Variants in XNDC1N observed in about 807,000 individuals in gnomAD.
XNDC1N encodes the protein protein XNDC1N.
the XNDC1N span, chr11:71,893,592 G>A: frequency 4.8e-6 from 5 of 1,042,756 alleles, no homozygotes; most frequent in South Asian, 6.3e-5. Flanking sequence ...TGGTGCTGAG[G>A]AACCTGCTCA....
chr11:71,883,955 CCAT>C, the XNDC1N span, among the ~76,000 whole-genome samples: 1 of 152,174 alleles, frequency 6.6e-6, no homozygotes, highest in African/African-American at 2.4e-5. Context: ...TTTTCCACCA[CCAT>C]ATCTCTTCAC....
the XNDC1N span, chr11:71,928,351 C>G: frequency 1.6e-6 from 1 of 642,106 alleles, no homozygotes; most frequent in Non-Finnish European, 2.8e-6. Flanking sequence ...TCAACAAATC[C>G]CAACGCCCCT....
At chr11:71,923,217 T>C in the XNDC1N span, 4 of 695,940 alleles carry the variant, frequency 5.7e-6, no homozygotes, top group Non-Finnish European at 1.0e-5. Flanking sequence ...TTCTATTAGA[T>C]TGGGAGTTTC....
chr11:71,877,172 C>T, the XNDC1N span, among the ~76,000 whole-genome samples: 2 of 152,206 alleles, frequency 1.3e-5, no homozygotes, highest in Admixed American at 6.5e-5. Context: ...ACCACGTGTT[C>T]CATTCACTAA....
chr11:71,866,073 C>A, the XNDC1N span, among the ~76,000 whole-genome samples: 1 of 151,826 alleles, frequency 6.6e-6, no homozygotes, highest in Non-Finnish European at 1.5e-5. Context: ...AATAATAGAT[C>A]AGAAAAGTCT....
the XNDC1N span, among the ~76,000 whole-genome samples, chr11:71,892,971 A>AAGG: frequency 0.2 from 30,039 of 151,994 alleles, 5,377 homozygotes; most frequent in African/African-American, 0.47. Context: ...TGAGAATTAT[A>AAGG]TTTGATTTCA....
chr11:71,921,009 TAG>T, the XNDC1N span, among the ~76,000 whole-genome samples: 1 of 152,088 alleles, frequency 6.6e-6, no homozygotes, highest in Non-Finnish European at 1.5e-5. Context: ...TCTTTTTTTT[TAG>T]AGACAGGGTC....
the XNDC1N span, among the ~76,000 whole-genome samples, chr11:71,919,508 C>T: frequency 6.6e-6 from 1 of 151,994 alleles, no homozygotes; most frequent in Non-Finnish European, 1.5e-5. Context: ...CTGCCTCAGC[C>T]TCCTGAGTAG....
the XNDC1N span, among the ~76,000 whole-genome samples, chr11:71,907,400 C>T: frequency 3.3e-5 from 5 of 150,906 alleles, no homozygotes; most frequent in East Asian, 2.0e-4. Context: ...GCCCCCCTGG[C>T]TCTTAAGACC....
chr11:71,916,683 G>A, the XNDC1N span: 646 of 171,942 alleles, frequency 3.8e-3, 9 homozygotes, highest in African/African-American at 0.014. Context: ...ATCACATTCC[G>A]ATATCACCAA....
At chr11:71,889,393 G>A in the XNDC1N span, among the ~76,000 whole-genome samples, 22 of 152,342 alleles carry the variant, frequency 1.4e-4, no homozygotes, top group Non-Finnish European at 2.4e-4. Flanking sequence ...TCAGAGGCTC[G>A]AAAAGCAGCA....
chr11:71,919,045 G>A, the XNDC1N span: 1 of 701,844 alleles, frequency 1.4e-6, no homozygotes, highest in Non-Finnish European at 2.6e-6. Flanking sequence ...GAGAGGAGGA[G>A]AAAATCAGGA....
the XNDC1N span, among the ~76,000 whole-genome samples, chr11:71,886,788 C>T: frequency 4.6e-5 from 7 of 152,028 alleles, no homozygotes; most frequent in South Asian, 6.2e-4. Context: ...TGCAGTAAGC[C>T]GTAAGGAAAA....
the XNDC1N span, among the ~76,000 whole-genome samples, chr11:71,911,219 T>C: frequency 6.6e-6 from 1 of 152,260 alleles, no homozygotes; most frequent in East Asian, 1.9e-4. Context: ...TAATGAATAC[T>C]AAAGGACATC....
At chr11:71,911,594 A>G in the XNDC1N span, among the ~76,000 whole-genome samples, 1 of 152,084 alleles carries the variant, frequency 6.6e-6, no homozygotes, top group Non-Finnish European at 1.5e-5. Context: ...GGGGCCTTAG[A>G]ACTCAGTGAG....
chr11:71,915,710 G>C, the XNDC1N span, among the ~76,000 whole-genome samples: 1 of 46,890 alleles, frequency 2.1e-5, no homozygotes, highest in African/African-American at 3.6e-5. Context: ...GGAGCTTTGG[G>C]ACTTACAGTG....
chr11:71,891,291 C>T, the XNDC1N span, among the ~76,000 whole-genome samples: 1 of 150,392 alleles, frequency 6.6e-6, no homozygotes, highest in African/African-American at 2.5e-5. Flanking sequence ...CTGTGGAAAC[C>T]CCCTGCGGTC....
the XNDC1N span, among the ~76,000 whole-genome samples, chr11:71,901,962 G>T: frequency 6.6e-6 from 1 of 152,056 alleles, no homozygotes; most frequent in South Asian, 2.1e-4. Context: ...CTGAAGTTCT[G>T]CTTTCCCTGC....
At chr11:71,886,745 A>G in the XNDC1N span, among the ~76,000 whole-genome samples, 137 of 152,234 alleles carry the variant, frequency 9.0e-4, no homozygotes, top group African/African-American at 3.2e-3. Context: ...CCCAATTACT[A>G]GAAATAGCTA....
Sources: gnomAD v4.1 joint callset for allele counts (sites outside exome capture counted in the v4.1 genomes callset) on GRCh38, gnomAD v4.1.1 for gene constraint, MANE v1.5 for transcripts, NCBI Gene and HGNC (gene_info 2026-07-23, HGNC 2026-07-21) for gene names.